Variants in EYS observed in about 807,000 individuals in gnomAD.
EYS encodes protein eyes shut homolog.
Under a neutral mutation model 282.1 loss-of-function variants are expected in EYS, and 250 were observed. The observed-to-expected ratio is 0.89, with a 90% confidence interval of 0.80 to 0.98. EYS has a LOEUF of 0.98. EYS is among the 50% of genes least tolerant of loss of function. The pLI is 0.00. For synonymous variants in EYS, 1,355 were observed against 1,282.9 expected, an observed-to-expected ratio of 1.06 and a Z score of -1.20; for missense variants, 4,016 against 3,709.0, an observed-to-expected ratio of 1.08 and a Z score of -2.15.
chr6:65,330,710 T>A (rs1769764132), intron 11 of EYS: 1 of 949,704 alleles, frequency 1.1e-6, no homozygotes, highest in South Asian at 4.9e-5. Flanking sequence ...ACTATCATTA[T>A]TTTGCCTTAT....
intron 12 of EYS, among the ~76,000 whole-genome samples, chr6:65,147,757 T>C (rs939286796): frequency 3.9e-5 from 6 of 152,092 alleles, no homozygotes; most frequent in African/African-American, 1.4e-4. Context: ...TACCCAAGAC[T>C]GGGTAATTTA....
intron 1 of EYS, among the ~76,000 whole-genome samples, chr6:65,676,842 A>G (rs1443100141): frequency 6.6e-6 from 1 of 151,782 alleles, no homozygotes; most frequent in East Asian, 1.9e-4. Context: ...GTATCTTAAT[A>G]GAATCATATA....
At chr6:64,894,715 T>C in intron 18 of EYS, among the ~76,000 whole-genome samples, 1 of 152,122 alleles carries the variant, frequency 6.6e-6, no homozygotes, top group Non-Finnish European at 1.5e-5. Context: ...CCAGTATGAC[T>C]GTTCTATGGT....
At chr6:65,288,491 G>A (rs113253966) in intron 12 of EYS, among the ~76,000 whole-genome samples, 3,283 of 150,572 alleles carry the variant, frequency 0.022, 110 homozygotes, top group African/African-American at 0.075. Flanking sequence ...ACACACATGT[G>A]TATTTGGTAC....
At chr6:65,109,572 C>A (rs555270851) in intron 12 of EYS, among the ~76,000 whole-genome samples, 5 of 151,680 alleles carry the variant, frequency 3.3e-5, no homozygotes, top group Admixed American at 6.6e-5. Flanking sequence ...TGAGAGCCCC[C>A]CCTTTGGCTC....
intron 22 of EYS, among the ~76,000 whole-genome samples, chr6:64,695,690 T>C (rs1251621975): frequency 6.6e-6 from 1 of 151,642 alleles, no homozygotes; most frequent in Non-Finnish European, 1.5e-5. Flanking sequence ...GTTCAAGTGA[T>C]TCTCCTGCAT....
intron 31 of EYS, among the ~76,000 whole-genome samples, chr6:64,130,601 A>T (rs1023391753): frequency 1.3e-5 from 2 of 151,812 alleles, no homozygotes; most frequent in Admixed American, 1.3e-4. Flanking sequence ...CATTGTGCAC[A>T]TGTACCCTAA....
chr6:64,433,883 C>T (rs1774651582), intron 28 of EYS, among the ~76,000 whole-genome samples: 2 of 151,918 alleles, frequency 1.3e-5, no homozygotes, highest in Admixed American at 1.3e-4. Flanking sequence ...ATCTTGCTCC[C>T]TTACTGACTA....
chr6:65,693,519 C>T (rs1769325079), intron 1 of EYS, among the ~76,000 whole-genome samples: 1 of 145,366 alleles, frequency 6.9e-6, no homozygotes, highest in African/African-American at 2.5e-5. Flanking sequence ...GACACATTTG[C>T]TAGTACCATC....
chr6:65,127,830 A>G (rs1157942459), intron 12 of EYS, among the ~76,000 whole-genome samples: 1 of 152,092 alleles, frequency 6.6e-6, no homozygotes, highest in African/African-American at 2.4e-5. Flanking sequence ...AAATATGTAC[A>G]GAAAAAAATG....
chr6:63,769,260 GAAGGT>G (rs992429575), intron 40 of EYS, among the ~76,000 whole-genome samples: 7 of 151,884 alleles, frequency 4.6e-5, no homozygotes, highest in African/African-American at 1.7e-4. Context: ...AGACTGCATT[GAAGGT>G]AAGAGTAGGT....
At chr6:65,243,637 A>C (rs1767108578) in intron 12 of EYS, among the ~76,000 whole-genome samples, 1 of 152,162 alleles carries the variant, frequency 6.6e-6, no homozygotes, top group Admixed American at 6.6e-5. Context: ...AACTTTCAGC[A>C]GTTAAATTTA....
chr6:65,677,778 C>T (rs1389125269), intron 1 of EYS, among the ~76,000 whole-genome samples: 1 of 151,974 alleles, frequency 6.6e-6, no homozygotes, highest in Admixed American at 6.6e-5. Context: ...AGCTAGAGGG[C>T]TAACTTCAAA....
At chr6:63,847,432 A>T (rs1772128301) in intron 36 of EYS, among the ~76,000 whole-genome samples, 1 of 151,680 alleles carries the variant, frequency 6.6e-6, no homozygotes, top group South Asian at 2.1e-4. Context: ...CCTCCTTGCC[A>T]TCCCCTCTGT....
At chr6:65,687,720 C>A (rs2149842096) in intron 1 of EYS, among the ~76,000 whole-genome samples, 1 of 152,244 alleles carries the variant, frequency 6.6e-6, no homozygotes. Flanking sequence ...AGCTGATAGG[C>A]AACTTCAGCA....
intron 1 of EYS, among the ~76,000 whole-genome samples, chr6:65,658,268 A>T (rs1293348354): frequency 1.3e-5 from 2 of 151,708 alleles, no homozygotes; most frequent in South Asian, 2.1e-4. Context: ...ATGTAAAATA[A>T]TGTCCTATAT....
chr6:64,845,129 A>G (rs968826075), intron 19 of EYS, among the ~76,000 whole-genome samples: 2 of 152,030 alleles, frequency 1.3e-5, no homozygotes, highest in Non-Finnish European at 2.9e-5. Flanking sequence ...TCCCTATAAA[A>G]CAAATTTAAA....
intron 2 of EYS, among the ~76,000 whole-genome samples, chr6:65,556,387 T>TTGTGTGTGTGTGTG (rs10602177): frequency 0.15 from 22,226 of 148,716 alleles, 2,011 homozygotes; most frequent in Non-Finnish European, 0.2. Context: ...ACTGCTGGGT[T>TTGTGTGTGTGTGTG]TGTGTGTGTG....
At chr6:64,440,975 G>A (rs1049368853) in intron 26 of EYS, among the ~76,000 whole-genome samples, 5 of 151,994 alleles carry the variant, frequency 3.3e-5, no homozygotes, top group South Asian at 4.1e-4. Context: ...AGCCCCTATC[G>A]GAACATGAAT....
Sources: gnomAD v4.1 joint callset for allele counts (sites outside exome capture counted in the v4.1 genomes callset) on GRCh38, gnomAD v4.1.1 for gene constraint, MANE v1.5 for transcripts, NCBI Gene and HGNC (gene_info 2026-07-23, HGNC 2026-07-21) for gene names.